The following MMP26 variants were observed in gnomAD, a reference collection of about 807,000 sequenced individuals.
MMP26 encodes matrix metalloproteinase-26.
MMP26 carries 33 observed loss-of-function variants against 31.0 expected under a neutral mutation model. That is an observed-to-expected ratio of 1.06 (90% CI 0.81 to 1.42). MMP26 has a LOEUF of 1.42. MMP26 is among the 40% of genes most tolerant of loss of function. MMP26 has a pLI of 0.00. For synonymous variants in MMP26, 122 were observed against 114.9 expected (o/e 1.06, Z -0.40); for missense variants, 347 against 316.1 (o/e 1.10, Z -0.74).
chr11:4,784,129 G>A (rs1008544841), intron 2 of MMP26, among the ~76,000 whole-genome samples: 1 of 152,164 alleles, frequency 6.6e-6, no homozygotes, highest in Non-Finnish European at 1.5e-5. Flanking sequence ...TTCAAAGGCT[G>A]GAGACTGAAG....
chr11:4,967,102 T>C (rs1030772101), intron 2 of MMP26, among the ~76,000 whole-genome samples: 2 of 152,178 alleles, frequency 1.3e-5, no homozygotes, highest in African/African-American at 4.8e-5. Context: ...CTTAAAAGGT[T>C]TGGTGAAAGG....
At chr11:4,905,079 A>G (rs1308955937) in intron 2 of MMP26, among the ~76,000 whole-genome samples, 2 of 152,152 alleles carry the variant, frequency 1.3e-5, no homozygotes, top group Non-Finnish European at 2.9e-5. Flanking sequence ...GACGAAAATA[A>G]AAAGGAATAA....
chr11:4,801,668 A>G lies in MMP26; in HGVS notation c.-145+34327A>G, dbSNP rs544854823. Among the ~76,000 whole-genome samples, 128 of 151,932 alleles carry G rather than the reference A, an allele frequency of 8.4e-4. 1 individual carries two copies. The highest frequency in any genetic ancestry group is 1.4e-3 in the Non-Finnish European group (93 of 67,928). ...AGCGATTCTCCTGCCTCAGCCTCCT[A>G]AGTAGCTGGGACTAGAGGCGTGCAC... On this transcript the variant is annotated intron_variant, in intron 2 of 7. Transcript: ENST00000380390.
intron 2 of MMP26, among the ~76,000 whole-genome samples, chr11:4,932,455 T>C (rs1256063623): frequency 6.6e-6 from 1 of 152,086 alleles, no homozygotes; most frequent in South Asian, 2.1e-4. Flanking sequence ...ACAGTTTTTC[T>C]TGGAAACCAG....
At chr11:4,902,235 G>A (rs553638842) in intron 2 of MMP26, among the ~76,000 whole-genome samples, 2 of 152,184 alleles carry the variant, frequency 1.3e-5, no homozygotes, top group South Asian at 2.1e-4. Flanking sequence ...AGCATGTCAG[G>A]GACCATCAAC....
chr11:4,730,381 T>G (rs1306917635), intron 1 of MMP26, among the ~76,000 whole-genome samples: 1 of 145,384 alleles, frequency 6.9e-6, no homozygotes, highest in Non-Finnish European at 1.5e-5. Context: ...TCTCCTTTTA[T>G]TTTAACACTT....
intron 2 of MMP26, chr11:4,804,057 A>G (rs150481813): frequency 1.4e-5 from 23 of 1,613,968 alleles, no homozygotes; most frequent in Non-Finnish European, 1.9e-5. Context: ...AAGAAAAGGC[A>G]TGGATGAAGA....
At chr11:4,854,912 G>A (rs549863009) in intron 2 of MMP26, among the ~76,000 whole-genome samples, 18 of 152,316 alleles carry the variant, frequency 1.2e-4, no homozygotes, top group Non-Finnish European at 2.2e-4. Context: ...TGCAATATTT[G>A]CTGTTCTGCA....
At chr11:4,736,763 A>G (rs954674039) in intron 1 of MMP26, 2 of 152,348 alleles carry the variant, frequency 1.3e-5, no homozygotes, top group Non-Finnish European at 2.9e-5. Context: ...AGCACTGAGG[A>G]CTCCATGACA....
chr11:4,870,438 G>T (rs996204733), intron 2 of MMP26, among the ~76,000 whole-genome samples: 32 of 152,108 alleles, frequency 2.1e-4, no homozygotes, highest in African/African-American at 7.7e-4. Context: ...GTGTGGAAAA[G>T]TTGAAATATT....
chr11:4,729,920 T>C (rs1848150693), intron 1 of MMP26, among the ~76,000 whole-genome samples: 1 of 149,906 alleles, frequency 6.7e-6, no homozygotes, highest in African/African-American at 2.4e-5. Context: ...GCACTCCTCA[T>C]ACAAGGTAGT....
At chr11:4,963,606 C>T (rs752311004) in intron 2 of MMP26, among the ~76,000 whole-genome samples, 2 of 152,130 alleles carry the variant, frequency 1.3e-5, no homozygotes, top group Non-Finnish European at 2.9e-5. Flanking sequence ...TGATCTTTGT[C>T]CTTGCTTTTT....
chr11:4,887,685 T>C (rs1367646287), intron 2 of MMP26, among the ~76,000 whole-genome samples: 1 of 152,122 alleles, frequency 6.6e-6, no homozygotes, highest in East Asian at 1.9e-4. Flanking sequence ...TTGTTGTTGT[T>C]TTGGTTTGTT....
rs552075632 is a variant in MMP26, at chr11:4,854,448, C to T, written c.-145+87107C>T. Among the ~76,000 whole-genome samples the T allele has an allele frequency of 5.3e-5, 8 of 152,286 alleles. No homozygotes were observed. The South Asian group carries it at 6.2e-4, about 12-fold the overall frequency. ...CCTGGCTCGGAGGGTCCCACGCCCACGGAACCTTGCTCATTGCTAGCACAG... is the reference window on the plus strand; with the variant it reads ...CCTGGCTCGGAGGGTCCCACGCCCATGGAACCTTGCTCATTGCTAGCACAG... On this transcript the variant is annotated intron_variant, in intron 2 of 7. Transcript: ENST00000380390.
At chr11:4,987,303 A>G (rs560912463) in intron 2 of MMP26, among the ~76,000 whole-genome samples, 1 of 152,042 alleles carries the variant, frequency 6.6e-6, no homozygotes, top group South Asian at 2.1e-4. Context: ...CTTATTATCA[A>G]TGCTTTGTTT....
At chr11:4,709,425 C>G (rs1169653489) in intron 1 of MMP26, 2 of 340,348 alleles carry the variant, frequency 5.9e-6, no homozygotes, top group African/African-American at 4.3e-5. Flanking sequence ...CAGTAAGTGG[C>G]TATGCATTTT....
At chr11:4,823,315 C>A (rs1849536416) in intron 2 of MMP26, among the ~76,000 whole-genome samples, 1 of 152,146 alleles carries the variant, frequency 6.6e-6, no homozygotes, top group Non-Finnish European at 1.5e-5. Flanking sequence ...GTTGCTAGTT[C>A]CATCTGTTGA....
At chr11:4,889,439 A>AT (rs1208011859) in intron 2 of MMP26, among the ~76,000 whole-genome samples, 1 of 152,140 alleles carries the variant, frequency 6.6e-6, no homozygotes, top group African/African-American at 2.4e-5. Flanking sequence ...TTTTCTGAAT[A>AT]TTTTTTATCC....
At chr11:4,746,112 TTGAA>T (rs1819033277) in intron 1 of MMP26, among the ~76,000 whole-genome samples, 1 of 152,210 alleles carries the variant, frequency 6.6e-6, no homozygotes, top group Non-Finnish European at 1.5e-5. Context: ...TTATCAAAAT[TTGAA>T]TGCCAATTAA....
Sources: allele counts gnomAD v4.1 joint callset (sites outside exome capture counted in the v4.1 genomes callset), GRCh38; gene constraint gnomAD v4.1.1; transcripts MANE v1.5; gene names NCBI Gene and HGNC (gene_info 2026-07-23, HGNC 2026-07-21).